Variants in GSTCD observed in about 807,000 individuals in gnomAD.
GSTCD encodes glutathione S-transferase C-terminal domain containing.
In GSTCD, 44 loss-of-function variants were observed where a neutral mutation model predicts 68.3. That is an observed-to-expected ratio of 0.64 (90% confidence interval 0.51 to 0.83). GSTCD has a LOEUF of 0.83. Among genes scored for constraint, GSTCD ranks in the 40% least tolerant of loss-of-function variants. GSTCD has a pLI of 0.00. For missense variants in GSTCD, 739 were observed against 735.9 expected (o/e 1.00, Z -0.05); for synonymous variants, 273 against 255.2 (o/e 1.07, Z -0.67).
intron 5 of GSTCD, among the ~76,000 whole-genome samples, chr4:105,780,400 A>G (rs1349748413): frequency 6.6e-6 from 1 of 152,164 alleles, no homozygotes; most frequent in Non-Finnish European, 1.5e-5. Flanking sequence ...AAGTTTATGT[A>G]TGTGTTACTG....
chr4:105,833,425 T>C (rs1225485896), intron 8 of GSTCD, among the ~76,000 whole-genome samples: 1 of 151,604 alleles, frequency 6.6e-6, no homozygotes, highest in African/African-American at 2.4e-5. Context: ...GTTGTGCCAT[T>C]GCACTCCAGC....
At chr4:105,718,184 T>C (rs752818248) in intron 2 of GSTCD, 145 bp downstream of exon 2, 1 of 655,092 alleles carries the variant, frequency 1.5e-6, no homozygotes, top group Non-Finnish European at 2.5e-6. Flanking sequence ...AAGTAGCCCT[T>C]TGATATAGTT....
rs537389245 is a variant in GSTCD, at chr4:105,736,122, A to G, written c.1240+6623A>G. Among the ~76,000 whole-genome samples, 3 of 152,096 alleles carry G rather than the reference A, an allele frequency of 2.0e-5. No homozygotes were observed. In the East Asian group the frequency reaches 5.8e-4, roughly 29 times the overall value. ...TCTTTATAATTTTTTAAACATAGTT[A>G]TTTTATATTTTATATTTTGTGTTTC... is the stretch of plus-strand genomic sequence containing the variant. On this transcript the variant is annotated intron_variant, in intron 5 of 11. Coordinates refer to ENST00000515279, the MANE Select transcript of GSTCD (RefSeq NM_001370181.1).
At chr4:105,748,257 G>T (rs953977640) in intron 5 of GSTCD, among the ~76,000 whole-genome samples, 17 of 150,732 alleles carry the variant, frequency 1.1e-4, no homozygotes, top group Non-Finnish European at 2.2e-4. Context: ...TCCATCTCAA[G>T]AAAAAGAAAA....
At chr4:105,754,022 A>G (rs1221987626) in intron 5 of GSTCD, among the ~76,000 whole-genome samples, 8 of 151,842 alleles carry the variant, frequency 5.3e-5, no homozygotes, top group Admixed American at 5.2e-4. Context: ...AATGATGTAG[A>G]TCCCTGTTTT....
At position 105,719,168 on chromosome 4, in the gene GSTCD, C is replaced by G; in HGVS notation, c.535C>G (p.Leu179Val). ...PPTIPVEILQ[L>V]EKKLSEPVRV... ...AACTATACCTGTAGAAATACTACAG[C>G]TAGAGAAAAAGCTTAGTGAGCCTGT... Residue 179 changes from leucine (L) to valine (V), a missense_variant, in exon 3 of 12, where the codon CTA (leucine) becomes GTA (valine). By Grantham distance (32) the Leu-to-Val change is conservative. Transcript: ENST00000515279. 1 of 1,613,916 alleles carries G rather than the reference C, an allele frequency of 6.2e-7. No homozygotes were observed. Among genetic ancestry groups the G allele is most frequent in the Non-Finnish European group, 8.5e-7 (1 of 1,179,884 alleles).
chr4:105,738,476 G>A (rs538322286), intron 5 of GSTCD, among the ~76,000 whole-genome samples: 1 of 152,084 alleles, frequency 6.6e-6, no homozygotes, highest in African/African-American at 2.4e-5. Context: ...ATCACTTTTG[G>A]TACTATGATT....
chr4:105,833,190 C>G (rs11732629), intron 8 of GSTCD, among the ~76,000 whole-genome samples: 6,918 of 152,200 alleles, frequency 0.045, 212 homozygotes, highest in Middle Eastern at 0.13. Context: ...TTTCGCTGGG[C>G]GCGGTGGCTC....
intron 5 of GSTCD, among the ~76,000 whole-genome samples, chr4:105,814,256 T>G (rs1235901127): frequency 6.6e-6 from 1 of 152,204 alleles, no homozygotes; most frequent in Admixed American, 6.5e-5. Flanking sequence ...TAGTGCAAGC[T>G]TTCTCTGCCT....
intron 5 of GSTCD, among the ~76,000 whole-genome samples, chr4:105,794,864 T>C (rs1331134171): frequency 6.9e-6 from 1 of 145,784 alleles, no homozygotes; most frequent in East Asian, 2.0e-4. Context: ...TCTATCTATC[T>C]ATCTATCTAT....
intron 5 of GSTCD, among the ~76,000 whole-genome samples, chr4:105,796,299 A>G (rs1197011461): frequency 1.3e-5 from 2 of 152,210 alleles, no homozygotes; most frequent in African/African-American, 4.8e-5. Flanking sequence ...ACAGGAAAGA[A>G]TTGACCCCAT....
At position 105,794,823 on chromosome 4, in the gene GSTCD, TTATC is replaced by T. The variant is rs1362730521; in HGVS notation, c.1241-28119_1241-28116del. ...TTTTTACTTTTTATTATTTCTGCTTTTATCTATCTATCTATTTATCTATCTATCT... is the reference window on the plus strand; with the variant it reads ...TTTTTACTTTTTATTATTTCTGCTTTTATCTATCTATTTATCTATCTATCT... On this transcript the variant is annotated intron_variant, in intron 5 of 11. Transcript: ENST00000515279. 3.5e-4 allele frequency among the ~76,000 whole-genome samples: 49 copies of T among 140,010 alleles called. 1 individual carries two copies. The highest frequency in any genetic ancestry group is 1.2e-3 in the African/African-American group (39 of 32,562). 91.9% of individuals were successfully genotyped at this position (140,010 alleles called of 152,430 possible).
intron 5 of GSTCD, among the ~76,000 whole-genome samples, chr4:105,773,422 G>T (rs1734932198): frequency 2.6e-5 from 4 of 151,894 alleles, no homozygotes; most frequent in Admixed American, 2.6e-4. Flanking sequence ...GTTTGCTCTT[G>T]CTTCTCTAGT....
intron 5 of GSTCD, among the ~76,000 whole-genome samples, chr4:105,813,621 C>T (rs1429526101): frequency 6.6e-6 from 1 of 152,178 alleles, no homozygotes; most frequent in Admixed American, 6.5e-5. Flanking sequence ...ATTTCAGACA[C>T]TCAACCAACA....
Position 105,726,765 on chromosome 4 carries a change from G to T in GSTCD, c.1081G>T (p.Gly361Cys). 1 of 1,613,808 alleles carries T rather than the reference G, an allele frequency of 6.2e-7. No individual in the cohort carries two copies. The highest frequency in any genetic ancestry group is 1.1e-5 in the South Asian group (1 of 91,084). The change falls in exon 4 of 12, where the codon GGT becomes TGT. Residue 361 changes from glycine (G) to cysteine (C), a missense_variant. Transcript: ENST00000515279. ...EQHPNLCEVP[G>C]VEEQSDPLFI... ...GCATCCAAACTTATGTGAAGTCCCA[G>T]GTGTAGAAGAGCAAAGCGATCCTTT...
chr4:105,788,325 ATAGT>A (rs34476592), intron 5 of GSTCD, among the ~76,000 whole-genome samples: 31,359 of 151,790 alleles, frequency 0.21, 6,786 homozygotes, highest in African/African-American at 0.55. Context: ...CATTTTACAA[ATAGT>A]TAAACCAGTT....
chr4:105,839,278 T>C (rs143002774), intron 10 of GSTCD, among the ~76,000 whole-genome samples: 35 of 152,336 alleles, frequency 2.3e-4, no homozygotes, highest in Admixed American at 3.3e-4. Context: ...GAAACTTTAT[T>C]TGCATAACAT....
chr4:105,806,582 A>G (rs1722508261), intron 5 of GSTCD, among the ~76,000 whole-genome samples: 1 of 152,036 alleles, frequency 6.6e-6, no homozygotes, highest in Non-Finnish European at 1.5e-5. Flanking sequence ...GGTGAGTTTT[A>G]GGGTTTCTTT....
At chr4:105,760,922 A>T (rs1265126929) in intron 5 of GSTCD, 1 of 303,436 alleles carries the variant, frequency 3.3e-6, no homozygotes, top group Non-Finnish European at 6.2e-6. Flanking sequence ...TGATATCAAA[A>T]CCATTTTCCA....
Sources: allele counts gnomAD v4.1 joint callset (sites outside exome capture counted in the v4.1 genomes callset), GRCh38; gene constraint gnomAD v4.1.1; transcripts MANE v1.5; gene names NCBI Gene and HGNC (gene_info 2026-07-23, HGNC 2026-07-21).